The following GRID2 variants were observed in gnomAD, a reference collection of about 807,000 sequenced individuals.
GRID2 encodes the protein glutamate ionotropic receptor delta type subunit 2.
In GRID2, 33 loss-of-function variants were observed where a neutral mutation model predicts 114.8. The ratio of observed to expected loss-of-function variants is 0.29; its 90% CI spans 0.22 to 0.38. GRID2 has a LOEUF of 0.38. Among genes scored for constraint, GRID2 ranks in the 10% least tolerant of loss-of-function variants. GRID2 has a pLI of 1.00. For missense variants in GRID2, 1,184 were observed against 1,257.7 expected (o/e 0.94, Z 0.89); for synonymous variants, 505 against 449.9 (o/e 1.12, Z -1.55).
At chr4:92,451,839 AT>A (rs1287572961) in intron 1 of GRID2, among the ~76,000 whole-genome samples, 4 of 152,224 alleles carry the variant, frequency 2.6e-5, no homozygotes, top group Admixed American at 2.6e-4. Context: ...CTAAGTATTC[AT>A]CTCAAATTGA....
At chr4:92,660,288 G>T (rs1732456101) in intron 2 of GRID2, among the ~76,000 whole-genome samples, 1 of 151,256 alleles carries the variant, frequency 6.6e-6, no homozygotes. Context: ...AATAAGAACA[G>T]ATTTTTCAAG....
At chr4:93,535,954 G>C (rs1368900463) in intron 13 of GRID2, among the ~76,000 whole-genome samples, 2 of 151,742 alleles carry the variant, frequency 1.3e-5, no homozygotes, top group African/African-American at 4.8e-5. Flanking sequence ...TGGTGTAATA[G>C]CCAAAAATAT....
chr4:93,458,464 T>C (rs1723414045), intron 11 of GRID2, among the ~76,000 whole-genome samples: 7 of 152,154 alleles, frequency 4.6e-5, no homozygotes, highest in Admixed American at 4.6e-4. Context: ...ATGAGGTCAC[T>C]TTGCATGGGA....
chr4:92,879,057 CA>C (rs1416118108), intron 2 of GRID2, among the ~76,000 whole-genome samples: 1 of 152,120 alleles, frequency 6.6e-6, no homozygotes, highest in Non-Finnish European at 1.5e-5. Flanking sequence ...ATTTTGACAT[CA>C]AACTGTTAAA....
intron 2 of GRID2, among the ~76,000 whole-genome samples, chr4:92,801,473 C>T (rs1284967015): frequency 6.6e-6 from 1 of 151,916 alleles, no homozygotes; most frequent in East Asian, 1.9e-4. Context: ...GTAAACACTG[C>T]AGAGTGTACC....
intron 1 of GRID2, among the ~76,000 whole-genome samples, chr4:92,385,044 A>G (rs1729876406): frequency 6.6e-6 from 1 of 151,804 alleles, no homozygotes; most frequent in African/African-American, 2.4e-5. Flanking sequence ...TTTTAAAAAT[A>G]TAAAAATATA....
intron 13 of GRID2, among the ~76,000 whole-genome samples, chr4:93,562,226 G>C (rs1256216433): frequency 1.3e-5 from 2 of 151,654 alleles, no homozygotes; most frequent in Non-Finnish European, 2.9e-5. Context: ...CATTCTAATA[G>C]TGTGTAGTGA....
intron 7 of GRID2, 88 bp downstream of exon 7, chr4:93,224,863 C>A: frequency 1.1e-6 from 1 of 941,106 alleles, no homozygotes; most frequent in Non-Finnish European, 1.6e-6. Flanking sequence ...AATATTTCTA[C>A]AAATTCTAAG....
intron 14 of GRID2, among the ~76,000 whole-genome samples, chr4:93,650,099 T>G (rs1228601209): frequency 6.6e-6 from 1 of 152,054 alleles, no homozygotes; most frequent in Non-Finnish European, 1.5e-5. Flanking sequence ...ACACTTCCTC[T>G]GGTTAACTCC....
chr4:92,971,051 G>C (rs547162421), intron 2 of GRID2, among the ~76,000 whole-genome samples: 1 of 151,628 alleles, frequency 6.6e-6, no homozygotes, highest in Admixed American at 6.6e-5. Context: ...ACTCAGACTT[G>C]GCTCATACTC....
At chr4:93,197,665 G>A (rs141932454) in intron 4 of GRID2, among the ~76,000 whole-genome samples, 2 of 152,178 alleles carry the variant, frequency 1.3e-5, no homozygotes, top group Non-Finnish European at 2.9e-5. Context: ...AGATGCTTTA[G>A]ATACATTTAG....
chr4:92,986,822 GATAA>G (rs1423316401), intron 2 of GRID2, among the ~76,000 whole-genome samples: 2 of 152,024 alleles, frequency 1.3e-5, no homozygotes, highest in Non-Finnish European at 1.5e-5. Flanking sequence ...ATAACGTAAA[GATAA>G]ATAAAGTCCT....
chr4:93,149,425 A>T (rs1028580261), intron 4 of GRID2, among the ~76,000 whole-genome samples: 3 of 152,008 alleles, frequency 2.0e-5, no homozygotes, highest in African/African-American at 7.2e-5. Context: ...AATACAAAAA[A>T]ATTAGCCAAG....
intron 11 of GRID2, among the ~76,000 whole-genome samples, chr4:93,489,845 T>A (rs1726806140): frequency 6.6e-6 from 1 of 151,924 alleles, no homozygotes; most frequent in Admixed American, 6.6e-5. Flanking sequence ...CTGTTTTAGA[T>A]GTCATAAGTT....
chr4:92,939,329 T>C (rs575274896), intron 2 of GRID2, among the ~76,000 whole-genome samples: 1 of 147,798 alleles, frequency 6.8e-6, no homozygotes, highest in African/African-American at 2.4e-5. Flanking sequence ...TGATGAACAT[T>C]TTTTCATGTG....
chr4:92,605,244 A>G (rs150232081), intron 2 of GRID2, among the ~76,000 whole-genome samples: 1,920 of 152,222 alleles, frequency 0.013, 31 homozygotes, highest in Non-Finnish European at 0.018. Flanking sequence ...CTTAATGCTT[A>G]AATAAGAGAA....
intron 9 of GRID2, among the ~76,000 whole-genome samples, chr4:93,414,705 A>ATATATATATATATATATT (rs1767536899): frequency 3.6e-5 from 5 of 137,144 alleles, no homozygotes; most frequent in African/African-American, 1.3e-4. Flanking sequence ...ATATATATAT[A>ATATATATATATATATATT]TTTCCTTTTT....
At chr4:92,547,712 A>C (rs2149169248) in intron 1 of GRID2, among the ~76,000 whole-genome samples, 1 of 152,040 alleles carries the variant, frequency 6.6e-6, no homozygotes, top group East Asian at 1.9e-4. Flanking sequence ...AGCATACCTC[A>C]TGCACACACA....
chr4:93,462,573 C>T (rs1199413354), intron 11 of GRID2, among the ~76,000 whole-genome samples: 1 of 152,098 alleles, frequency 6.6e-6, no homozygotes, highest in Non-Finnish European at 1.5e-5. Context: ...TCAGATGGAT[C>T]ACACTATTAT....
Sources: allele counts gnomAD v4.1 joint callset (sites outside exome capture counted in the v4.1 genomes callset), GRCh38; gene constraint gnomAD v4.1.1; transcripts MANE v1.5; gene names NCBI Gene and HGNC (gene_info 2026-07-23, HGNC 2026-07-21).